Variants in PTPRD observed in about 807,000 individuals in gnomAD.
PTPRD encodes the protein receptor-type tyrosine-protein phosphatase delta.
Under a neutral mutation model 214.5 loss-of-function variants are expected in PTPRD, and 34 were observed. That is an observed-to-expected ratio of 0.16 (90% CI 0.12 to 0.21). The LOEUF (loss-of-function observed/expected upper bound fraction) is 0.21. Ranked by LOEUF, PTPRD falls within the 10% of genes least tolerant of loss-of-function variation. The pLI, the probability that PTPRD is intolerant of heterozygous loss-of-function variation, is 1.00. For missense variants in PTPRD, 2,545 were observed against 2,398.7 expected, an observed-to-expected ratio of 1.06 and a Z score of -1.27; for synonymous variants, 1,128 against 845.7, an observed-to-expected ratio of 1.33 and a Z score of -5.79.
chr9:10,373,233 A>G (rs1285518711), intron 2 of PTPRD, among the ~76,000 whole-genome samples: 3 of 152,102 alleles, frequency 2.0e-5, no homozygotes, highest in African/African-American at 7.2e-5. Flanking sequence ...TAATCTATTC[A>G]GACTGTGAGT....
chr9:9,525,891 T>C (rs187210859), intron 8 of PTPRD, among the ~76,000 whole-genome samples: 84 of 152,060 alleles, frequency 5.5e-4, no homozygotes, highest in African/African-American at 1.8e-3. Context: ...TTCATCCATG[T>C]AAGCATCACC....
Position 9,426,802 on chromosome 9 carries a change from G to C in PTPRD, c.-236-29320C>G, listed in dbSNP as rs535409300. ...GTGATACCCAGGCAAACAGGGACTGGAGTGGACCTCCAGCAAACTCTAACA... is the reference window on the plus strand; with the variant it reads ...GTGATACCCAGGCAAACAGGGACTGCAGTGGACCTCCAGCAAACTCTAACA... On this transcript the variant is annotated intron_variant, in intron 8 of 45. Coordinates refer to ENST00000381196, the MANE Select transcript of PTPRD (RefSeq NM_002839.4). Among the ~76,000 whole-genome samples, 118 of 152,240 alleles carry C rather than the reference G, an allele frequency of 7.8e-4. 1 individual carries two copies. The highest frequency in any genetic ancestry group is 2.4e-3 in the African/African-American group (99 of 41,562).
At chr9:9,536,172 C>T (rs2076480130) in intron 8 of PTPRD, among the ~76,000 whole-genome samples, 2 of 152,012 alleles carry the variant, frequency 1.3e-5, no homozygotes, top group South Asian at 2.1e-4. Flanking sequence ...TACTATTTCA[C>T]TTGCTGCATT....
chr9:10,559,451 A>G (rs1276927338), intron 2 of PTPRD, among the ~76,000 whole-genome samples: 1 of 152,174 alleles, frequency 6.6e-6, no homozygotes, highest in Admixed American at 6.6e-5. Context: ...TTTTAAAATT[A>G]TTTTTTGTTT....
At chr9:10,554,311 T>A (rs1430305352) in intron 2 of PTPRD, among the ~76,000 whole-genome samples, 1 of 152,220 alleles carries the variant, frequency 6.6e-6, no homozygotes, top group African/African-American at 2.4e-5. Context: ...ACCTTTAGCT[T>A]GTTCACCTGA....
chr9:8,890,663 C>T (rs907123424), intron 11 of PTPRD, among the ~76,000 whole-genome samples: 3 of 152,206 alleles, frequency 2.0e-5, no homozygotes, highest in Non-Finnish European at 2.9e-5. Flanking sequence ...AAATTTTCTT[C>T]CTATTTTGTG....
intron 9 of PTPRD, among the ~76,000 whole-genome samples, chr9:9,268,653 C>A (rs956100867): frequency 6.6e-6 from 1 of 150,752 alleles, no homozygotes; most frequent in Admixed American, 6.6e-5. Flanking sequence ...ATAATATGGG[C>A]ATAACAACAA....
At chr9:9,629,665 T>C (rs1326759) in intron 7 of PTPRD, among the ~76,000 whole-genome samples, 21,507 of 152,074 alleles carry the variant, frequency 0.14, 2,031 homozygotes, top group African/African-American at 0.27. Flanking sequence ...AACAACAAAC[T>C]ACCTGTTGCT....
At chr9:8,728,247 T>C (rs1375965503) in intron 12 of PTPRD, among the ~76,000 whole-genome samples, 1 of 151,770 alleles carries the variant, frequency 6.6e-6, no homozygotes, top group Admixed American at 6.6e-5. Context: ...CAAAACTCCA[T>C]CTCGAAAAAA....
At chr9:9,132,039 T>G (rs575330264) in intron 10 of PTPRD, among the ~76,000 whole-genome samples, 3 of 150,666 alleles carry the variant, frequency 2.0e-5, no homozygotes, top group East Asian at 1.9e-4. Flanking sequence ...ACGGAGTCTG[T>G]CTCTGTTGCC....
intron 3 of PTPRD, among the ~76,000 whole-genome samples, chr9:10,231,798 T>C (rs984801469): frequency 6.6e-6 from 1 of 151,900 alleles, no homozygotes; most frequent in African/African-American, 2.4e-5. Flanking sequence ...TGTTTAAATG[T>C]GATTCCCAAT....
At chr9:10,431,710 G>GA (rs2098680966) in intron 2 of PTPRD, among the ~76,000 whole-genome samples, 1 of 152,138 alleles carries the variant, frequency 6.6e-6, no homozygotes, top group South Asian at 2.1e-4. Context: ...GGCCATCAGA[G>GA]AAATGCAAAT....
At chr9:9,720,747 G>T (rs935229436) in intron 7 of PTPRD, among the ~76,000 whole-genome samples, 2 of 152,054 alleles carry the variant, frequency 1.3e-5, no homozygotes, top group Non-Finnish European at 2.9e-5. Flanking sequence ...CAACCTAAAT[G>T]CCCATCAATG....
At chr9:10,426,115 C>T (rs747362158) in intron 2 of PTPRD, among the ~76,000 whole-genome samples, 13 of 152,066 alleles carry the variant, frequency 8.5e-5, no homozygotes, top group Non-Finnish European at 1.3e-4. Flanking sequence ...AAAGCCAATG[C>T]TTAAGAAATC....
intron 14 of PTPRD, among the ~76,000 whole-genome samples, chr9:8,611,804 A>AAGAGGAGAGGG (rs2095459352): frequency 6.9e-6 from 1 of 145,462 alleles, no homozygotes; most frequent in African/African-American, 2.5e-5. Context: ...GAAAAGAAAA[A>AAGAGGAGAGGG]AGAGGAGAGG....
At chr9:10,211,263 G>A (rs1594335032) in intron 3 of PTPRD, among the ~76,000 whole-genome samples, 1 of 152,072 alleles carries the variant, frequency 6.6e-6, no homozygotes, top group Non-Finnish European at 1.5e-5. Flanking sequence ...AGAGCACTTT[G>A]AAAGGAAAAA....
chr9:9,426,022 A>G (rs2080763498), intron 8 of PTPRD, among the ~76,000 whole-genome samples: 1 of 152,062 alleles, frequency 6.6e-6, no homozygotes, highest in South Asian at 2.1e-4. Context: ...CAACTGAGGT[A>G]CCAGGTTCGT....
chr9:9,641,711 T>C (rs1223137752), intron 7 of PTPRD, among the ~76,000 whole-genome samples: 1 of 152,152 alleles, frequency 6.6e-6, no homozygotes, highest in East Asian at 1.9e-4. Flanking sequence ...ACAGGATCCA[T>C]TTAGGATTAA....
At chr9:9,315,480 C>T (rs114743657) in intron 9 of PTPRD, among the ~76,000 whole-genome samples, 1 of 151,886 alleles carries the variant, frequency 6.6e-6, no homozygotes, top group South Asian at 2.1e-4. Flanking sequence ...CCATCCAATT[C>T]CAAAGTCTAT....
Sources: gnomAD v4.1 joint callset for allele counts (sites outside exome capture counted in the v4.1 genomes callset) on GRCh38, gnomAD v4.1.1 for gene constraint, MANE v1.5 for transcripts, NCBI Gene and HGNC (gene_info 2026-07-23, HGNC 2026-07-21) for gene names.